CPXM2: variants seen among roughly 807,000 people sequenced by gnomAD.
The protein encoded by CPXM2 is inactive carboxypeptidase-like protein X2.
In CPXM2, 66 loss-of-function variants were observed where a neutral mutation model predicts 86.1. That is an observed-to-expected ratio of 0.77 (90% confidence interval 0.63 to 0.94). The LOEUF is 0.94. CPXM2 is among the 40% of genes least tolerant of loss of function. The probability of loss-of-function intolerance (pLI) is 0.00; values close to 1 mark genes in which losing one functional copy is unlikely to be tolerated. For missense variants in CPXM2, 948 were observed against 1,026.3 expected (o/e 0.92, Z 1.04); for synonymous variants, 388 against 400.2 (o/e 0.97, Z 0.36).
chr10:123,927,758 G>T (rs1265072661), intron 2 of CPXM2, among the ~76,000 whole-genome samples: 1 of 152,194 alleles, frequency 6.6e-6, no homozygotes, highest in African/African-American at 2.4e-5. Context: ...ACCAGGCTTT[G>T]TTACCCCCAG....
In CPXM2 at chr10:123,879,089, C is replaced by T. The variant is rs145791324; in HGVS notation, c.403+1122G>A. On this transcript the variant is annotated intron_variant, in intron 2 of 13. Coordinates refer to ENST00000241305, the MANE Select transcript of CPXM2 (RefSeq NM_198148.3). ...CCACTTTAAGAAGGAATATACTTTA[C>T]ATTTGGTAAGTGACCACAGAAGGTC... 1.1e-3 allele frequency among the ~76,000 whole-genome samples: 173 copies of T among 152,326 alleles called. 5 individuals carry two copies. The East Asian group carries it at 0.021, about 19-fold the overall frequency.
chr10:123,746,767 C>A lies in CPXM2; in HGVS notation c.2268G>T (p.Gly756=), dbSNP rs1174573744. 1.2e-6 allele frequency: 2 copies of A among 1,614,054 alleles called. No individual in the cohort carries two copies. The highest frequency in any genetic ancestry group is 2.2e-5 in the East Asian group (1 of 44,870). Residue 756 remains glycine (G), a synonymous_variant, in exon 14 of 14, where the codon GGG becomes GGT. Transcript: ENST00000241305. ...GAGTCTCAAGGGCCCAGGAGGGTCA[C>A]CCACGCTGTCGTCTCTTCTGCCCCC... The part of the protein sequence containing the change: ...KLRGQKRRQR[G]
chr10:123,840,638 C>T (rs998139028), intron 4 of CPXM2, among the ~76,000 whole-genome samples: 4 of 152,036 alleles, frequency 2.6e-5, no homozygotes, highest in Admixed American at 6.6e-5. Flanking sequence ...GGATATGTAA[C>T]ATTATTGCAA....
In CPXM2 at chr10:123,770,970, C is replaced by T. The variant is rs1305646256; in HGVS notation, c.1048G>A (p.Gly350Ser). 1 of 1,613,988 alleles carries T rather than the reference C, an allele frequency of 6.2e-7. No individual in the cohort carries two copies. The highest frequency in any genetic ancestry group is 2.2e-5 in the East Asian group (1 of 44,902). The change falls in exon 8 of 14, where the codon GGC becomes AGC. Residue 350 changes from glycine to serine, a missense_variant. Physicochemically the swap from Gly to Ser is moderately conservative, Grantham distance 56 (BLOSUM62 0). Transcript: ENST00000241305. ...RIYNIGKSHQ[G>S]LKLYAVEISD... ...ATCTCCACAGCATACAGCTTCAGGC[C>T]CTGGTGGCTTTTTCCAATGTTGTAA... is the stretch of plus-strand genomic sequence containing the variant.
intron 2 of CPXM2, among the ~76,000 whole-genome samples, chr10:123,879,469 T>C (rs1945046190): frequency 6.6e-6 from 1 of 152,146 alleles, no homozygotes; most frequent in African/African-American, 2.4e-5. Flanking sequence ...CTGTAAAGTA[T>C]GGATAATAAT....
chr10:123,747,341 A>G (rs1266135059), intron 13 of CPXM2, among the ~76,000 whole-genome samples: 1 of 152,204 alleles, frequency 6.6e-6, no homozygotes, highest in Admixed American at 6.5e-5. Context: ...TCCAAACAGT[A>G]TGCCCTCGCC....
At chr10:123,930,416 C>T (rs866182511) in intron 2 of CPXM2, among the ~76,000 whole-genome samples, 3 of 152,186 alleles carry the variant, frequency 2.0e-5, no homozygotes, top group Non-Finnish European at 4.4e-5. Flanking sequence ...TTATCTTGGG[C>T]GTGAAACATT....
intron 2 of CPXM2, among the ~76,000 whole-genome samples, chr10:123,910,983 TC>T (rs5788642): frequency 0.12 from 18,814 of 152,206 alleles, 1,131 homozygotes; most frequent in Middle Eastern, 0.17. Context: ...CACATGGCAC[TC>T]CCCTCGTGTG....
At chr10:123,785,166 CTTTG>C (rs749013363) in intron 6 of CPXM2, among the ~76,000 whole-genome samples, 3 of 152,214 alleles carry the variant, frequency 2.0e-5, no homozygotes, top group South Asian at 2.1e-4. Context: ...TCTTTCCTTG[CTTTG>C]TTTGTGCATT....
In CPXM2 at chr10:123,835,933, G is replaced by A. The variant is rs1848270323; in HGVS notation, c.653+6416C>T. Among the ~76,000 whole-genome samples the A allele has an allele frequency of 2.0e-5, 3 of 152,330 alleles. No homozygotes were observed. The South Asian group carries it at 6.2e-4, about 32-fold the overall frequency. On this transcript the variant is annotated intron_variant, in intron 4 of 13. Transcript: ENST00000241305. ...GCTGAATGCTTCCTACTGTGAAAAT[G>A]GGAAACTCAGCCAAAGGAGGTGTTT...
chr10:123,867,923 A>G (rs1387031745), intron 2 of CPXM2, among the ~76,000 whole-genome samples: 1 of 152,218 alleles, frequency 6.6e-6, no homozygotes, highest in African/African-American at 2.4e-5. Context: ...TAAGGGGAAC[A>G]ATACTACAGT....
intron 2 of CPXM2, among the ~76,000 whole-genome samples, chr10:123,914,702 T>C (rs1453542010): frequency 1.3e-5 from 2 of 152,196 alleles, no homozygotes; most frequent in Non-Finnish European, 2.9e-5. Context: ...TAGATTCAGC[T>C]TCCAACGTAT....
chr10:123,769,737 C>G (rs776129738), intron 8 of CPXM2, among the ~76,000 whole-genome samples: 5 of 152,196 alleles, frequency 3.3e-5, no homozygotes, highest in Non-Finnish European at 7.3e-5. Flanking sequence ...CAGCCCTCAC[C>G]AGGCACTGAA....
intron 4 of CPXM2, among the ~76,000 whole-genome samples, chr10:123,830,058 G>T (rs1338783844): frequency 6.6e-6 from 1 of 151,876 alleles, no homozygotes; most frequent in Non-Finnish European, 1.5e-5. Flanking sequence ...TGTACTAGAA[G>T]AAAATATAAG....
intron 4 of CPXM2, among the ~76,000 whole-genome samples, chr10:123,811,138 TTTTTC>T (rs796363107): frequency 1.6e-5 from 2 of 122,316 alleles, no homozygotes; most frequent in Admixed American, 1.0e-4. Context: ...ATCATTTTTT[TTTTTC>T]TTTTTTCTTT....
At chr10:123,916,878 A>C (rs1328490546) in intron 2 of CPXM2, among the ~76,000 whole-genome samples, 1 of 151,956 alleles carries the variant, frequency 6.6e-6, no homozygotes, top group African/African-American at 2.4e-5. Flanking sequence ...CCTGAGTTCA[A>C]GCGATCCTCC....
chr10:123,756,501 G>A (rs1807466517), intron 12 of CPXM2, among the ~76,000 whole-genome samples: 1 of 152,156 alleles, frequency 6.6e-6, no homozygotes, highest in Non-Finnish European at 1.5e-5. Context: ...GCTGCTCCCA[G>A]GTCATTCACC....
At chr10:123,828,168 C>T (rs1342344335) in intron 4 of CPXM2, among the ~76,000 whole-genome samples, 1 of 149,344 alleles carries the variant, frequency 6.7e-6, no homozygotes, top group Non-Finnish European at 1.5e-5. Flanking sequence ...AAGACCTCAC[C>T]TCAAAAAAAA....
chr10:123,758,145 G>A (rs989659968), intron 11 of CPXM2, among the ~76,000 whole-genome samples: 1 of 152,206 alleles, frequency 6.6e-6, no homozygotes, highest in Non-Finnish European at 1.5e-5. Flanking sequence ...AGGACAGGAA[G>A]CCCCAGCCTA....
Sources: gnomAD v4.1 joint callset for allele counts (sites outside exome capture counted in the v4.1 genomes callset) on GRCh38, gnomAD v4.1.1 for gene constraint, MANE v1.5 for transcripts, NCBI Gene and HGNC (gene_info 2026-07-23, HGNC 2026-07-21) for gene names.